The following KCNIP4 variants were observed in gnomAD, a reference collection of about 807,000 sequenced individuals.
The protein encoded by KCNIP4 is potassium voltage-gated channel interacting protein 4.
In KCNIP4, 12 loss-of-function variants were observed where a neutral mutation model predicts 34.0. The observed-to-expected ratio is 0.35, with a 90% CI of 0.23 to 0.57. KCNIP4 has a LOEUF of 0.57. Ranked by LOEUF, KCNIP4 falls within the 20% of genes least tolerant of loss-of-function variation. KCNIP4 has a pLI of 0.83. For synonymous variants in KCNIP4, 124 were observed against 102.2 expected (o/e 1.21, Z -1.29); for missense variants, 238 against 311.7 (o/e 0.76, Z 1.78).
chr4:21,695,599 T>C (rs1414458722), intron 1 of KCNIP4, among the ~76,000 whole-genome samples: 1 of 152,160 alleles, frequency 6.6e-6, no homozygotes. Context: ...GTGTTTTGGA[T>C]TTAATACTTA....
At chr4:21,062,810 G>A (rs555005669) in intron 1 of KCNIP4, among the ~76,000 whole-genome samples, 1 of 152,068 alleles carries the variant, frequency 6.6e-6, no homozygotes, top group African/African-American at 2.4e-5. Context: ...TTGAGGGAGG[G>A]TCAGCCTTTT....
At chr4:20,749,304 T>C (rs1187136819) in intron 5 of KCNIP4, among the ~76,000 whole-genome samples, 2 of 152,184 alleles carry the variant, frequency 1.3e-5, no homozygotes, top group African/African-American at 4.8e-5. Context: ...GAGACTTCCA[T>C]AACAGGACTT....
chr4:21,788,506 T>C (rs1720059647), intron 1 of KCNIP4, among the ~76,000 whole-genome samples: 1 of 152,122 alleles, frequency 6.6e-6, no homozygotes, highest in Admixed American at 6.6e-5. Flanking sequence ...GCTTGCAAGA[T>C]GGAACAAGAT....
At chr4:21,129,647 A>G (rs1200984280) in intron 1 of KCNIP4, among the ~76,000 whole-genome samples, 1 of 152,184 alleles carries the variant, frequency 6.6e-6, no homozygotes, top group East Asian at 1.9e-4. Flanking sequence ...TGCTTTTAAA[A>G]TGATGAACTG....
At chr4:21,142,975 G>A (rs1339336633) in intron 1 of KCNIP4, among the ~76,000 whole-genome samples, 1 of 151,498 alleles carries the variant, frequency 6.6e-6, no homozygotes, top group East Asian at 2.0e-4. Context: ...AGACATGGAG[G>A]GGAATTTCTT....
chr4:21,113,441 TC>T (rs1284204517), intron 1 of KCNIP4, among the ~76,000 whole-genome samples: 1 of 37,366 alleles, frequency 2.7e-5, no homozygotes, highest in Non-Finnish European at 4.5e-5. Flanking sequence ...AGGTTGTGCA[TC>T]TATCTATAAG....
rs1728686448 is a variant in KCNIP4, at chr4:21,917,316, T to C, written c.61+31255A>G. Reference sequence around the variant, plus strand: ...CACCCAGCTAATTTTTTTGTATTTTTAATAGAGACTGGGTTTCACTATGTT... The same window carrying C: ...CACCCAGCTAATTTTTTTGTATTTTCAATAGAGACTGGGTTTCACTATGTT... On this transcript the variant is annotated intron_variant, in intron 1 of 8. Coordinates refer to ENST00000382152, the MANE Select transcript of KCNIP4 (RefSeq NM_025221.6). Among the ~76,000 whole-genome samples the C allele has an allele frequency of 2.0e-5, 3 of 152,126 alleles. No individual in the cohort carries two copies. The South Asian group carries it at 6.2e-4, about 32-fold the overall frequency.
chr4:21,789,222 T>A (rs1189754153), intron 1 of KCNIP4, among the ~76,000 whole-genome samples: 1 of 152,130 alleles, frequency 6.6e-6, no homozygotes, highest in Admixed American at 6.6e-5. Flanking sequence ...TCATGCCACC[T>A]CCCACAGAGG....
chr4:20,779,486 T>C (rs1374348596), intron 3 of KCNIP4, among the ~76,000 whole-genome samples: 1 of 151,724 alleles, frequency 6.6e-6, no homozygotes, highest in Non-Finnish European at 1.5e-5. Context: ...CAGAGCCATA[T>C]AGGTATGTGA....
At chr4:20,856,249 C>A (rs1721558193) in intron 2 of KCNIP4, among the ~76,000 whole-genome samples, 1 of 152,172 alleles carries the variant, frequency 6.6e-6, no homozygotes, top group Non-Finnish European at 1.5e-5. Context: ...CCTGTGCTTT[C>A]TTGAACAATG....
chr4:21,776,780 ATTTTT>A, intron 1 of KCNIP4, among the ~76,000 whole-genome samples: 1 of 151,722 alleles, frequency 6.6e-6, no homozygotes, highest in East Asian at 1.9e-4. Context: ...GTTTTATTTT[ATTTTT>A]TGAGACAGAG....
At chr4:20,757,274 CTTAT>C (rs1183260111) in intron 4 of KCNIP4, among the ~76,000 whole-genome samples, 4 of 152,118 alleles carry the variant, frequency 2.6e-5, no homozygotes, top group Admixed American at 2.6e-4. Flanking sequence ...TATGCATATA[CTTAT>C]TTAAAGACCT....
chr4:20,962,988 AT>A (rs1413268917), intron 1 of KCNIP4, among the ~76,000 whole-genome samples: 1 of 152,096 alleles, frequency 6.6e-6, no homozygotes. Context: ...GGGATAAAAA[AT>A]TTTTTCTCTT....
intron 1 of KCNIP4, among the ~76,000 whole-genome samples, chr4:21,331,946 A>T (rs1361553910): frequency 6.6e-6 from 1 of 152,080 alleles, no homozygotes; most frequent in Non-Finnish European, 1.5e-5. Flanking sequence ...GTAACAATGC[A>T]TGGCACATAG....
At chr4:21,809,151 G>C (rs1390684792) in intron 1 of KCNIP4, among the ~76,000 whole-genome samples, 1 of 152,016 alleles carries the variant, frequency 6.6e-6, no homozygotes, top group Non-Finnish European at 1.5e-5. Flanking sequence ...TGAGTAAGTA[G>C]ACTATGTAAA....
chr4:21,090,239 A>T (rs774750681), intron 1 of KCNIP4, among the ~76,000 whole-genome samples: 2 of 152,124 alleles, frequency 1.3e-5, no homozygotes, highest in Non-Finnish European at 2.9e-5. Context: ...CTTCCACTGA[A>T]CTTTGAGCTC....
rs549610419 is a variant in KCNIP4 at position 21,808,059 on chromosome 4, A to T, written c.61+140512T>A. Among the ~76,000 whole-genome samples the T allele has an allele frequency of 1.4e-3, 219 of 152,302 alleles. 2 individuals carry two copies. The highest frequency in any genetic ancestry group is 2.1e-3 in the Non-Finnish European group (143 of 68,018). On this transcript the variant is annotated intron_variant, in intron 1 of 8. Coordinates refer to ENST00000382152, the MANE Select transcript of KCNIP4 (RefSeq NM_025221.6). ...TATGCATACATTAAATTACAAAGAAAATTATTTCACTCAGAATGTATAGTT... is the reference window on the plus strand; with the variant it reads ...TATGCATACATTAAATTACAAAGAATATTATTTCACTCAGAATGTATAGTT...
intron 1 of KCNIP4, among the ~76,000 whole-genome samples, chr4:21,824,073 C>G (rs2109295292): frequency 6.6e-6 from 1 of 152,244 alleles, no homozygotes; most frequent in East Asian, 1.9e-4. Flanking sequence ...CCTGGGCTAG[C>G]CTGCCAGTGA....
intron 1 of KCNIP4, among the ~76,000 whole-genome samples, chr4:20,975,965 G>A (rs1036898082): frequency 2.0e-5 from 3 of 152,076 alleles, no homozygotes; most frequent in African/African-American, 7.2e-5. Flanking sequence ...ATTATCTACG[G>A]CTGCTTTTGT....
Sources: allele counts gnomAD v4.1 joint callset (sites outside exome capture counted in the v4.1 genomes callset), GRCh38; gene constraint gnomAD v4.1.1; transcripts MANE v1.5; gene names NCBI Gene and HGNC (gene_info 2026-07-23, HGNC 2026-07-21).